Variants in PNPO observed in about 807,000 individuals in gnomAD.
PNPO encodes the protein pyridoxamine 5'-phosphate oxidase.
A neutral mutation model predicts 35.0 loss-of-function variants in PNPO; 39 were observed. That is an observed-to-expected ratio of 1.11 (90% CI 0.86 to 1.45). PNPO has a LOEUF of 1.45. Among genes scored for constraint, PNPO ranks in the 40% most tolerant of loss-of-function variants. The pLI is 0.00. For missense variants in PNPO, 288 were observed against 340.0 expected (o/e 0.85, Z 1.20); for synonymous variants, 115 against 119.8 (o/e 0.96, Z 0.26).
At position 47,945,169 on chromosome 17, in the gene PNPO, G is replaced by C. The variant is rs192118655; in HGVS notation, c.364-390G>C. 1 of 380,230 alleles carries C rather than the reference G, an allele frequency of 2.6e-6. No individual in the cohort carries two copies. Among genetic ancestry groups the C allele is most frequent in the Non-Finnish European group, 5.0e-6 (1 of 199,580 alleles). The allele number at this position is 380,230 out of a possible 1,614,324, so 23.6% of individuals were successfully genotyped here. On this transcript the variant is annotated intron_variant, in intron 3 of 6. Transcript: ENST00000642017. The surrounding 1 kb of genome is among the most constrained non-coding windows in gnomAD (Gnocchi z 4.0). The stretch of plus-strand genomic sequence containing the variant: ...CTGTTTTATCTCTGCTGTATCCCCC[G>C]CACGTCTCCTGTTGTCAGACCCAGA...
At chr17:47,941,919 G>A in intron 1 of PNPO, 106 bp downstream of exon 1, 1 of 1,397,104 alleles carries the variant, frequency 7.2e-7, no homozygotes, top group Admixed American at 2.7e-5. Context: ...GGCTTCTGGG[G>A]CCACCCGGTG....
At chr17:47,946,085 A>C in intron 5 of PNPO, 96 bp downstream of exon 5, 4 of 1,470,760 alleles carry the variant, frequency 2.7e-6, no homozygotes, top group Non-Finnish European at 3.8e-6. Context: ...TCCCCAGGAG[A>C]TGTCCTCTCT....
chr17:47,943,334 T>G lies in PNPO; in HGVS notation c.167T>G (p.Leu56Arg), dbSNP rs145461623. The G allele has an allele frequency of 6.6e-5, 107 of 1,614,016 alleles. No individual in the cohort carries two copies. In the African/African-American group the frequency reaches 1.3e-3, roughly 19 times the overall value. ...EAFEETHLTS[L>R]DPVKQFAAWF... ...TTTGAGGAGACTCATCTGACCTCCC[T>G]TGACCCAGTGAAACAGTTTGCTGCC... The change falls in exon 2 of 7, where the codon CTT becomes CGT. Residue 56 changes from leucine (L) to arginine (R), a missense_variant. Transcript: ENST00000642017.
At position 47,941,702 on chromosome 17, in the gene PNPO, G is replaced by A; in HGVS notation, c.27G>A (p.Thr9=). ...TGACGTGCTGGCTGCGGGGCGTCAC[G>A]GCGACGTTCGGGCGACCTGCCGAGT... The part of the protein sequence containing the change: MTCWLRGV[T]ATFGRPAEWP... Residue 9 remains threonine (T), a synonymous_variant, in exon 1 of 7, where the codon ACG becomes ACA. Transcript: ENST00000642017. 2 of 1,541,326 alleles carry A rather than the reference G, an allele frequency of 1.3e-6. No homozygotes were observed. The highest frequency in any genetic ancestry group is 1.8e-6 in the Non-Finnish European group (2 of 1,140,892).
Position 47,946,761 on chromosome 17 carries a change from C to G in PNPO, c.765C>G (p.Leu255=). The G allele has an allele frequency of 1.2e-6, 2 of 1,614,166 alleles. No homozygotes were observed. The highest frequency in any genetic ancestry group is 1.7e-6 in the Non-Finnish European group (2 of 1,180,024). The change falls in exon 7 of 7, where the codon CTC becomes CTG. Residue 255 remains leucine, a synonymous_variant. Coordinates refer to ENST00000642017, the MANE Select transcript of PNPO (RefSeq NM_018129.4). ...PMTHRGEEDW[L]YERLAP Reference sequence around the variant, plus strand: ...CCCACCGCGGGGAGGAAGACTGGCTCTATGAGAGACTTGCACCTTAACTCT... The same window carrying G: ...CCCACCGCGGGGAGGAAGACTGGCTGTATGAGAGACTTGCACCTTAACTCT...
chr17:47,944,003 T>G (rs984950218), intron 2 of PNPO, among the ~76,000 whole-genome samples: 4 of 152,212 alleles, frequency 2.6e-5, no homozygotes, highest in African/African-American at 7.2e-5. Context: ...GTCCCTGCCC[T>G]TAGGGTCTTA....
chr17:47,942,662 G>T (rs2035956233), intron 1 of PNPO, among the ~76,000 whole-genome samples: 1 of 152,172 alleles, frequency 6.6e-6, no homozygotes, highest in Non-Finnish European at 1.5e-5. Context: ...TTGGGGTCCA[G>T]GGCCCTGGTT....
rs752874362 is a variant in PNPO, at chr17:47,943,329, C to G, written c.162C>G (p.Thr54=). The part of the protein sequence containing the change: ...DREAFEETHL[T]SLDPVKQFAA... ...AGGCATTTGAGGAGACTCATCTGAC[C>G]TCCCTTGACCCAGTGAAACAGTTTG... Residue 54 remains threonine (T), a synonymous_variant, in exon 2 of 7, where the codon ACC becomes ACG. Transcript: ENST00000642017. 3.7e-6 allele frequency: 6 copies of G among 1,613,692 alleles called. No individual in the cohort carries two copies. The South Asian group carries it at 6.6e-5, about 18-fold the overall frequency.
Position 47,945,661 on chromosome 17 carries a change from C to T in PNPO, c.417+49C>T. ...CCTGGGATGGGCTGGGTTGGCAGGG[C>T]CTGAGTTTATGGCTACGTCTAGCGA... On this transcript the variant is annotated intron_variant, in intron 4 of 6. Coordinates refer to ENST00000642017, the MANE Select transcript of PNPO (RefSeq NM_018129.4). This position sits in a 1 kb window ranked among gnomAD's most constrained non-coding sequence, Gnocchi z 4.0. 1 of 1,537,660 alleles carries T rather than the reference C, an allele frequency of 6.5e-7. No individual in the cohort carries two copies. Among genetic ancestry groups the T allele is most frequent in the Non-Finnish European group, 9.0e-7 (1 of 1,110,338 alleles).
chr17:47,944,762 G>A (rs757903047), intron 3 of PNPO, 47 bp downstream of exon 3: 1 of 1,482,368 alleles, frequency 6.7e-7, no homozygotes, highest in Non-Finnish European at 9.4e-7. Context: ...GCAGGGTTTG[G>A]CTCTTGCTTC....
intron 1 of PNPO, among the ~76,000 whole-genome samples, chr17:47,943,004 G>T (rs1050493111): frequency 6.6e-6 from 1 of 152,180 alleles, no homozygotes; most frequent in African/African-American, 2.4e-5. Context: ...TGGGGGTGGA[G>T]CCCAGAAAGT....
rs1226237338 is a variant in PNPO, at chr17:47,948,747, C to T, written c.*1965C>T. Reference sequence around the variant, plus strand: ...ATCCTTTAGTGACCCTCAGCTGAGTCCTGTGCTGAACTGTGTTTGTTCTCC... The same window carrying T: ...ATCCTTTAGTGACCCTCAGCTGAGTTCTGTGCTGAACTGTGTTTGTTCTCC... On this transcript the variant is annotated 3_prime_UTR_variant, in exon 7 of 7. Transcript: ENST00000642017. The T allele has an allele frequency of 6.6e-6, 1 of 152,284 alleles. No homozygotes were observed. Among genetic ancestry groups the T allele is most frequent in the East Asian group, 1.9e-4 (1 of 5,204 alleles). 9.4% of individuals were successfully genotyped at this position (152,284 alleles called of 1,614,324 possible).
chr17:47,946,145 G>A (rs1462822421), intron 5 of PNPO, 156 bp downstream of exon 5: 52 of 1,120,222 alleles, frequency 4.6e-5, no homozygotes, highest in Non-Finnish European at 6.6e-5. Flanking sequence ...GGAAAGTGGG[G>A]GTAGGGAGAG....
rs973336914 is a variant in PNPO, at chr17:47,949,165, C to G, written c.*2383C>G. The G allele has an allele frequency of 7.2e-5, 11 of 152,412 alleles. No homozygotes were observed. Among genetic ancestry groups the G allele is most frequent in the Middle Eastern group, 3.4e-3 (1 of 296 alleles). 9.4% of individuals were successfully genotyped at this position (152,412 alleles called of 1,614,324 possible). On this transcript the variant is annotated 3_prime_UTR_variant, in exon 7 of 7. Coordinates refer to ENST00000642017, the MANE Select transcript of PNPO (RefSeq NM_018129.4). ...AAGTGATGTGTGTCTGTGTGTGTGT[C>G]TAGAAGTGCTGCACTCACCTTGTGT...
In PNPO at chr17:47,944,625, A is replaced by G; in HGVS notation, c.273A>G (p.Lys91=). 1.2e-6 allele frequency: 2 copies of G among 1,613,474 alleles called. No homozygotes were observed. The highest frequency in any genetic ancestry group is 1.7e-6 in the Non-Finnish European group (2 of 1,179,674). ...MCLATCTRDG[K]PSARMLLLKG... ...TGCTCTTTGCTCCTAGAGATGGAAA[A>G]CCCTCTGCTCGCATGTTGCTGCTGA... is the stretch of plus-strand genomic sequence containing the variant. The change falls in exon 3 of 7, where the codon AAA becomes AAG. Residue 91 remains lysine, a synonymous_variant. Transcript: ENST00000642017.
intron 1 of PNPO, 35 bp downstream of exon 1, chr17:47,941,848 G>C (rs764794638): frequency 1.4e-5 from 21 of 1,535,240 alleles, no homozygotes; most frequent in Non-Finnish European, 1.6e-5. Context: ...CTGCAGGGGC[G>C]GGGGAAAAGG....
At position 47,947,159 on chromosome 17, in the gene PNPO, A is replaced by G. The variant is rs1014388301; in HGVS notation, c.*377A>G. On this transcript the variant is annotated 3_prime_UTR_variant, in exon 7 of 7. Coordinates refer to ENST00000642017, the MANE Select transcript of PNPO (RefSeq NM_018129.4). Reference sequence around the variant, plus strand: ...GTCATACTGGCCAAAGCTTAGTCCTAGCATATGCACCTGAGCCAACCTGGC... The same window carrying G: ...GTCATACTGGCCAAAGCTTAGTCCTGGCATATGCACCTGAGCCAACCTGGC... 5.7e-5 allele frequency: 14 copies of G among 243,830 alleles called. No homozygotes were observed. The highest frequency in any genetic ancestry group is 9.0e-5 in the Non-Finnish European group (11 of 122,150). The allele number at this position is 243,830 out of a possible 1,614,324, so 15.1% of individuals were successfully genotyped here.
chr17:47,945,494 C>T lies in PNPO; in HGVS notation c.364-65C>T, dbSNP rs1056844762. The T allele has an allele frequency of 6.9e-6, 9 of 1,300,564 alleles. No individual in the cohort carries two copies. The highest frequency in any genetic ancestry group is 6.7e-5 in the Admixed American group (4 of 59,638). The allele number at this position is 1,300,564 out of a possible 1,614,324, so 80.6% of individuals were successfully genotyped here. ...CGCACTACAGCTCTCCTGCCTTTTC[C>T]CTGCATGCCGGAGGCCTCCTCTCCC... On this transcript the variant is annotated intron_variant, in intron 3 of 6. Transcript: ENST00000642017. The surrounding 1 kb of genome is among the most constrained non-coding windows in gnomAD (Gnocchi z 4.0).
Position 47,946,875 on chromosome 17 carries a change from C to A in PNPO, c.*93C>A. The A allele has an allele frequency of 1.7e-6, 2 of 1,152,170 alleles. No homozygotes were observed. Among genetic ancestry groups the A allele is most frequent in the Non-Finnish European group, 2.6e-6 (2 of 775,614 alleles). The allele number at this position is 1,152,170 out of a possible 1,614,324, so 71.4% of individuals were successfully genotyped here. A position where few individuals can be genotyped will look rare whatever the true frequency, so the allele number is the denominator to read the frequency against. On this transcript the variant is annotated 3_prime_UTR_variant, in exon 7 of 7. Transcript: ENST00000642017. ...CAGGCCCTTCTTTCTAAACTCAACC[C>A]ATTTCCCTCCCTACCCCTTATCTTC...
Sources: gnomAD v4.1 joint callset for allele counts (sites outside exome capture counted in the v4.1 genomes callset) on GRCh38, gnomAD v4.1.1 for gene constraint, Gnocchi (gnomAD v3.1) non-coding constraint, MANE v1.5 for transcripts, NCBI Gene and HGNC (gene_info 2026-07-23, HGNC 2026-07-21) for gene names.